CREB5: variants seen among roughly 807,000 people sequenced by gnomAD.
CREB5 encodes cyclic AMP-responsive element-binding protein 5.
Under a neutral mutation model 57.1 loss-of-function variants are expected in CREB5, and 19 were observed. That is an observed-to-expected ratio of 0.33 (90% CI 0.23 to 0.49). CREB5 has a LOEUF of 0.49. Ranked by LOEUF, CREB5 falls within the 20% of genes least tolerant of loss-of-function variation. CREB5 has a pLI of 0.99. For missense variants in CREB5, 579 were observed against 671.6 expected, an observed-to-expected ratio of 0.86 and a Z score of 1.52; for synonymous variants, 238 against 238.3, an observed-to-expected ratio of 1.00 and a Z score of 0.01.
intron 5 of CREB5, among the ~76,000 whole-genome samples, chr7:28,627,155 T>C (rs1029285860): frequency 7.2e-5 from 11 of 152,248 alleles, no homozygotes; most frequent in African/African-American, 4.8e-5. Context: ...ATCTTTTTTT[T>C]CCCTGTCTTC....
At position 28,367,235 on chromosome 7, in the gene CREB5, C is replaced by T. The variant is rs140472874; in HGVS notation, c.-25+67794C>T. On this transcript the variant is annotated intron_variant, in intron 1 of 9. Coordinates refer to the CREB5 transcript ENST00000396299. Reference sequence around the variant, plus strand: ...TCAGTCCCAATGCTTCAACTACTGGCCATAGGTTAATGGTCTTCCTGCAAG... The same window carrying T: ...TCAGTCCCAATGCTTCAACTACTGGTCATAGGTTAATGGTCTTCCTGCAAG... Among the ~76,000 whole-genome samples, 8 of 152,244 alleles carry T rather than the reference C, an allele frequency of 5.3e-5. No individual in the cohort carries two copies. In the East Asian group the frequency reaches 1.5e-3, roughly 29 times the overall value.
At chr7:28,537,715 A>G (rs909183531) in intron 4 of CREB5, among the ~76,000 whole-genome samples, 30 of 152,248 alleles carry the variant, frequency 2.0e-4, no homozygotes, top group Non-Finnish European at 3.5e-4. Flanking sequence ...AAAGTAAAAA[A>G]TAAGAACAGG....
intron 1 of CREB5, among the ~76,000 whole-genome samples, chr7:28,320,297 A>G (rs1172330333): frequency 6.6e-6 from 1 of 151,998 alleles, no homozygotes; most frequent in Admixed American, 6.6e-5. Context: ...TGTGTAAATG[A>G]CTGGTGAAAA....
At chr7:28,658,538 G>C (rs1799426408) in intron 5 of CREB5, among the ~76,000 whole-genome samples, 1 of 152,174 alleles carries the variant, frequency 6.6e-6, no homozygotes, top group South Asian at 2.1e-4. Context: ...CCCTGCAGCT[G>C]CACTGGGGAG....
At chr7:28,657,661 G>A (rs1006101653) in intron 5 of CREB5, among the ~76,000 whole-genome samples, 40 of 148,478 alleles carry the variant, frequency 2.7e-4, no homozygotes, top group African/African-American at 9.8e-4. Context: ...AGGTTGCAGT[G>A]AGCGGAGATC....
chr7:28,321,354 G>A (rs532872064), intron 1 of CREB5, among the ~76,000 whole-genome samples: 13 of 151,756 alleles, frequency 8.6e-5, no homozygotes, highest in African/African-American at 1.5e-4. Flanking sequence ...ATAATTTGTC[G>A]AGCACAGGAC....
At chr7:28,504,626 T>C (rs1792403088) in intron 3 of CREB5, among the ~76,000 whole-genome samples, 1 of 152,168 alleles carries the variant, frequency 6.6e-6, no homozygotes, top group Non-Finnish European at 1.5e-5. Context: ...GTTTGAGAGT[T>C]GAAAGTTTTT....
At chr7:28,486,220 T>G (rs1004313729) in intron 1 of CREB5, among the ~76,000 whole-genome samples, 4 of 152,172 alleles carry the variant, frequency 2.6e-5, no homozygotes, top group African/African-American at 9.7e-5. Context: ...CAATGTTATC[T>G]CAGGCAAGTC....
At chr7:28,447,849 T>G (rs758171627) in intron 1 of CREB5, among the ~76,000 whole-genome samples, 1 of 152,184 alleles carries the variant, frequency 6.6e-6, no homozygotes, top group Non-Finnish European at 1.5e-5. Flanking sequence ...CTTAGAGAGA[T>G]ATTTATTAAG....
intron 1 of CREB5, among the ~76,000 whole-genome samples, chr7:28,397,771 A>T (rs1439343810): frequency 3.3e-5 from 5 of 152,128 alleles, no homozygotes; most frequent in African/African-American, 1.2e-4. Context: ...AGCCTGTCCC[A>T]TGTGTCTCAT....
rs576889153 is a variant in CREB5, at chr7:28,442,123, A to T, written c.3+29206A>T. ...CCCAGCCTCTAATACTCACAATTCT[A>T]CTCTCTACTTCCATGAGATTAAACA... On this transcript the variant is annotated intron_variant, in intron 1 of 10. Coordinates refer to ENST00000357727, the MANE Select transcript of CREB5 (RefSeq NM_182898.4). Among the ~76,000 whole-genome samples the T allele has an allele frequency of 2.0e-5, 3 of 151,854 alleles. No individual in the cohort carries two copies. The East Asian group carries it at 5.8e-4, about 29-fold the overall frequency.
At chr7:28,480,120 G>T (rs145611689) in intron 1 of CREB5, among the ~76,000 whole-genome samples, 1 of 151,648 alleles carries the variant, frequency 6.6e-6, no homozygotes, top group Admixed American at 6.6e-5. Context: ...AATATTTAAA[G>T]ATATTTATTT....
chr7:28,818,717 G>A (rs1183052211), intron 10 of CREB5: 1 of 459,966 alleles, frequency 2.2e-6, no homozygotes, highest in Non-Finnish European at 4.3e-6. Flanking sequence ...GGAGGAGCAG[G>A]GATTCATGGC....
chr7:28,423,412 G>C (rs1251676593), intron 1 of CREB5, among the ~76,000 whole-genome samples: 1 of 152,158 alleles, frequency 6.6e-6, no homozygotes, highest in African/African-American at 2.4e-5. Flanking sequence ...GGAGGGTGAG[G>C]GGGTGCAAGC....
chr7:28,776,312 T>G (rs1292363170), intron 7 of CREB5, among the ~76,000 whole-genome samples: 5 of 140,812 alleles, frequency 3.6e-5, no homozygotes, highest in African/African-American at 1.3e-4. Context: ...CACTCCCGCC[T>G]GGGCGACAGA....
chr7:28,414,634 T>C (rs1051833040), intron 1 of CREB5, among the ~76,000 whole-genome samples: 2 of 152,218 alleles, frequency 1.3e-5, no homozygotes, highest in African/African-American at 4.8e-5. Context: ...AAATACAAAG[T>C]CTGGCACTTT....
chr7:28,628,510 A>G (rs1338031454), intron 5 of CREB5, among the ~76,000 whole-genome samples: 1 of 152,158 alleles, frequency 6.6e-6, no homozygotes, highest in Admixed American at 6.5e-5. Flanking sequence ...AGGGGACAAG[A>G]CATAGGAAAT....
chr7:28,326,915 G>A (rs974482533), intron 1 of CREB5, among the ~76,000 whole-genome samples: 1 of 152,094 alleles, frequency 6.6e-6, no homozygotes, highest in African/African-American at 2.4e-5. Context: ...GGTAGGTCAT[G>A]AAGTCAGGCA....
At chr7:28,560,919 T>TGTGCGTGCGCGCGTGCGCGTGC (rs1180392566) in intron 4 of CREB5, among the ~76,000 whole-genome samples, 1 of 42,990 alleles carries the variant, frequency 2.3e-5, no homozygotes, top group Admixed American at 2.1e-4. Flanking sequence ...CGTGTGCGTG[T>TGTGCGTGCGCGCGTGCGCGTGC]GTGCGCGTGC....
Sources: allele counts gnomAD v4.1 joint callset (sites outside exome capture counted in the v4.1 genomes callset), GRCh38; gene constraint gnomAD v4.1.1; transcripts MANE v1.5; gene names NCBI Gene and HGNC (gene_info 2026-07-23, HGNC 2026-07-21).